Variants in TMEM266 observed in about 807,000 individuals in gnomAD.
TMEM266 encodes the protein transmembrane protein 266.
TMEM266 carries 33 observed loss-of-function variants against 50.5 expected under a neutral mutation model. That is an observed-to-expected ratio of 0.65 (90% CI 0.50 to 0.87). The LOEUF is 0.87. Ranked by LOEUF, TMEM266 falls within the 40% of genes least tolerant of loss-of-function variation. TMEM266 has a pLI of 0.00. For synonymous variants in TMEM266, 310 were observed against 292.3 expected, an observed-to-expected ratio of 1.06 and a Z score of -0.62; for missense variants, 655 against 695.1, an observed-to-expected ratio of 0.94 and a Z score of 0.65.
chr15:76,203,087 C>T (rs2038775417), intron 10 of TMEM266, among the ~76,000 whole-genome samples: 1 of 152,114 alleles, frequency 6.6e-6, no homozygotes, highest in Admixed American at 6.5e-5. Flanking sequence ...CCCCGTGGTA[C>T]ATCTCACCTA....
intron 8 of TMEM266, among the ~76,000 whole-genome samples, chr15:76,182,229 C>T (rs892227860): frequency 1.3e-5 from 2 of 152,144 alleles, no homozygotes; most frequent in African/African-American, 4.8e-5. Context: ...TTCCCTTTAA[C>T]CCCTGAGCCT....
chr15:76,204,358 C>G lies in TMEM266; in HGVS notation c.*43C>G. 2.6e-6 allele frequency: 4 copies of G among 1,535,122 alleles called. No homozygotes were observed. The highest frequency in any genetic ancestry group is 1.4e-5 in the African/African-American group (1 of 73,066). Reference sequence around the variant, plus strand: ...GTGAGATGAGGGGAGACAGCCATCTCAAAGCTCTCCTGGGACCCTGGAGGC... The same window carrying G: ...GTGAGATGAGGGGAGACAGCCATCTGAAAGCTCTCCTGGGACCCTGGAGGC... On this transcript the variant is annotated 3_prime_UTR_variant, in exon 11 of 11. Transcript: ENST00000388942.
chr15:76,147,348 A>G (rs2037771286), intron 3 of TMEM266, among the ~76,000 whole-genome samples: 1 of 152,250 alleles, frequency 6.6e-6, no homozygotes, highest in Admixed American at 6.5e-5. Flanking sequence ...GTTCAGGGTT[A>G]TGAGGCAGAT....
chr15:76,172,117 C>G (rs1023168300), intron 7 of TMEM266, among the ~76,000 whole-genome samples: 1 of 152,214 alleles, frequency 6.6e-6, no homozygotes, highest in African/African-American at 2.4e-5. Flanking sequence ...AGAGAGGTCC[C>G]CCTAGAGTGA....
In TMEM266 at chr15:76,153,638, G is replaced by A. The variant is rs77064770; in HGVS notation, c.228-2966G>A. Among the ~76,000 whole-genome samples, 875 of 152,268 alleles carry A rather than the reference G, an allele frequency of 5.7e-3. 2 individuals are homozygous for A. The highest frequency in any genetic ancestry group is 0.01 in the Middle Eastern group (3 of 294). The stretch of plus-strand genomic sequence containing the variant: ...CAGGCAGAGGGCAGGAGGGGAACCG[G>A]CTTCCGGGGGCGCTGAGGCGGCTGG... On this transcript the variant is annotated intron_variant, in intron 3 of 10. Transcript: ENST00000388942. The surrounding 1 kb of genome is among the most constrained non-coding windows in gnomAD (Gnocchi z 4.2).
In TMEM266 at chr15:76,160,099, C is replaced by T. The variant is rs773668386; in HGVS notation, c.387C>T (p.Ser129=). ...TCCTTATCGTGTCCATTGCAGTTTC[C>T]AGCGCATTCCAGTTTGCTGGCGTGA... is the stretch of plus-strand genomic sequence containing the variant. The change falls in exon 5 of 11, where the codon TCC becomes TCT. Residue 129 remains serine (S), a synonymous_variant. Transcript: ENST00000388942. This position sits in a 1 kb window ranked among gnomAD's most constrained non-coding sequence, Gnocchi z 5.7. The T allele has an allele frequency of 3.1e-6, 5 of 1,614,054 alleles. No homozygotes were observed. The highest frequency in any genetic ancestry group is 4.2e-6 in the Non-Finnish European group (5 of 1,180,010).
At position 76,192,004 on chromosome 15, in the gene TMEM266, C is replaced by T; in HGVS notation, c.805C>T (p.Gln269Ter). ...GCAGCTGCGCGCGCACCTGGCGCAG[C>T]AGGACCTGGACCTGGCTGCCGAGCG... The change falls in exon 9 of 11, where the codon CAG becomes TAG. Residue 269 changes from glutamine (Q) to a stop codon, truncating the protein, a stop_gained. Coordinates refer to ENST00000388942, the MANE Select transcript of TMEM266 (RefSeq NM_152335.3). LOFTEE classifies it high-confidence loss of function. 6.3e-7 allele frequency: 1 copy of T among 1,583,710 alleles called. No individual in the cohort carries two copies.
Position 76,204,859 on chromosome 15 carries a change from G to C in TMEM266, c.*544G>C, listed in dbSNP as rs953452743. 1.3e-5 allele frequency: 2 copies of C among 152,924 alleles called. No homozygotes were observed. The highest frequency in any genetic ancestry group is 2.9e-5 in the Non-Finnish European group (2 of 68,302). The allele number at this position is 152,924 out of a possible 1,614,324, so 9.5% of individuals were successfully genotyped here. ...GACGAATCTAGTTTTCACCTTCACA[G>C]GATATAAAGGGATCAACCTAGAGGT... On this transcript the variant is annotated 3_prime_UTR_variant, in exon 11 of 11. Transcript: ENST00000388942.
chr15:76,082,784 C>A (rs1245789018), intron 1 of TMEM266, among the ~76,000 whole-genome samples: 1 of 152,108 alleles, frequency 6.6e-6, no homozygotes, highest in Non-Finnish European at 1.5e-5. Flanking sequence ...GCCTGGCCAA[C>A]ATGGTGAAAC....
intron 1 of TMEM266, among the ~76,000 whole-genome samples, chr15:76,066,689 T>C (rs2036427864): frequency 6.6e-6 from 1 of 151,778 alleles, no homozygotes; most frequent in South Asian, 2.1e-4. Flanking sequence ...TGAGTTGGCC[T>C]GGCAAAGACA....
Position 76,067,313 on chromosome 15 carries a change from G to A in TMEM266, c.-97+7297G>A, listed in dbSNP as rs146629733. 2.5e-3 allele frequency among the ~76,000 whole-genome samples: 384 copies of A among 152,158 alleles called. 2 individuals carry two copies. Among genetic ancestry groups the A allele is most frequent in the African/African-American group, 8.7e-3 (361 of 41,510 alleles). On this transcript the variant is annotated intron_variant, in intron 1 of 10. Transcript: ENST00000388942. ...CCATCTTCTTACTCCTGAAGGCCTCGGGTCTAGATGCAACAGCACATTCTG... is the reference window on the plus strand; with the variant it reads ...CCATCTTCTTACTCCTGAAGGCCTCAGGTCTAGATGCAACAGCACATTCTG...
intron 8 of TMEM266, among the ~76,000 whole-genome samples, chr15:76,183,085 G>A (rs1318452150): frequency 7.1e-6 from 1 of 141,238 alleles, no homozygotes; most frequent in African/African-American, 2.6e-5. Flanking sequence ...AGGCCTCCAG[G>A]CTGCTTCCAT....
intron 1 of TMEM266, among the ~76,000 whole-genome samples, chr15:76,121,203 T>C (rs2037339280): frequency 6.6e-6 from 1 of 152,140 alleles, no homozygotes; most frequent in Admixed American, 6.5e-5. Context: ...GTTGAAAGAT[T>C]AAGGTGGAAG....
chr15:76,063,374 A>G (rs998011370), intron 1 of TMEM266, among the ~76,000 whole-genome samples: 1 of 152,148 alleles, frequency 6.6e-6, no homozygotes, highest in African/African-American at 2.4e-5. Flanking sequence ...CTGCAAGATG[A>G]AGCACTTTCT....
chr15:76,142,922 TCA>T (rs2037702456), intron 3 of TMEM266, among the ~76,000 whole-genome samples: 1 of 152,182 alleles, frequency 6.6e-6, no homozygotes, highest in African/African-American at 2.4e-5. Context: ...GACTTGATTC[TCA>T]GTTTTGCCTG....
At position 76,160,402 on chromosome 15, in the gene TMEM266, T is replaced by C. The variant is rs1051996257; in HGVS notation, c.456+234T>C. On this transcript the variant is annotated intron_variant, in intron 5 of 10. Transcript: ENST00000388942. The surrounding 1 kb of genome is among the most constrained non-coding windows in gnomAD (Gnocchi z 5.7). Reference sequence around the variant, plus strand: ...AGGTGATTCCTGGGAGGAACCCCAGTGGATGAGCAGGTGTTCTCCAGGTGA... The same window carrying C: ...AGGTGATTCCTGGGAGGAACCCCAGCGGATGAGCAGGTGTTCTCCAGGTGA... Among the ~76,000 whole-genome samples, 1 of 152,070 alleles carries C rather than the reference T, an allele frequency of 6.6e-6. No individual in the cohort carries two copies. Among genetic ancestry groups the C allele is most frequent in the African/African-American group, 2.4e-5 (1 of 41,416 alleles).
At chr15:76,175,782 C>A in intron 8 of TMEM266, 108 bp downstream of exon 8, 1 of 823,596 alleles carries the variant, frequency 1.2e-6, no homozygotes, top group Non-Finnish European at 2.0e-6. Flanking sequence ...TCAGGGAGTT[C>A]CTCCAGCCCC....
At chr15:76,089,577 A>G (rs184707031) in intron 1 of TMEM266, among the ~76,000 whole-genome samples, 1 of 152,108 alleles carries the variant, frequency 6.6e-6, no homozygotes, top group Non-Finnish European at 1.5e-5. Flanking sequence ...GGAGAGATAA[A>G]TTGCAAAAGG....
chr15:76,136,474 G>A lies in TMEM266; in HGVS notation c.39-1233G>A, dbSNP rs74691012. Among the ~76,000 whole-genome samples the A allele has an allele frequency of 7.9e-5, 12 of 152,226 alleles. No individual in the cohort carries two copies. The East Asian group carries it at 2.3e-3, about 29-fold the overall frequency. On this transcript the variant is annotated intron_variant, in intron 2 of 10. Coordinates refer to ENST00000388942, the MANE Select transcript of TMEM266 (RefSeq NM_152335.3). ...TTCAGGAGGAGCCCTGCAGAAGTTG[G>A]CATTCAAACCAGCACCAGAGCCCAA... is the stretch of plus-strand genomic sequence containing the variant.
Sources: gnomAD v4.1 joint callset for allele counts (sites outside exome capture counted in the v4.1 genomes callset) on GRCh38, gnomAD v4.1.1 for gene constraint, Gnocchi (gnomAD v3.1) non-coding constraint, MANE v1.5 for transcripts, NCBI Gene and HGNC (gene_info 2026-07-23, HGNC 2026-07-21) for gene names.